Variants in RIPOR2 observed in about 807,000 individuals in gnomAD.
The protein encoded by RIPOR2 is RHO family interacting cell polarization regulator 2.
RIPOR2 carries 39 observed loss-of-function variants against 114.5 expected under a neutral mutation model. The ratio of observed to expected loss-of-function variants is 0.34; its 90% confidence interval spans 0.26 to 0.44. The LOEUF is 0.44. Among genes scored for constraint, RIPOR2 ranks in the 20% least tolerant of loss-of-function variants. The pLI is 1.00. For synonymous variants in RIPOR2, 445 were observed against 484.4 expected (o/e 0.92, Z 1.07); for missense variants, 1,007 against 1,255.1 (o/e 0.80, Z 2.99).
chr6:25,038,978 C>T (rs1379681398), intron 1 of RIPOR2, among the ~76,000 whole-genome samples: 1 of 152,228 alleles, frequency 6.6e-6, no homozygotes, highest in Non-Finnish European at 1.5e-5. Flanking sequence ...TCTGCATGGG[C>T]ATGGAAATGG....
chr6:24,949,129 C>G (rs1023713000), intron 1 of RIPOR2, among the ~76,000 whole-genome samples: 1 of 152,034 alleles, frequency 6.6e-6, no homozygotes, highest in Non-Finnish European at 1.5e-5. Context: ...ATTTGAAAAG[C>G]GCCACCCATC....
At chr6:24,850,019 T>TC in intron 10 of RIPOR2, 69 bp from the exon 11 acceptor site, 1 of 1,285,346 alleles carries the variant, frequency 7.8e-7, no homozygotes. Context: ...TAATGTGTCA[T>TC]TTTTTTTACT....
At chr6:24,947,998 C>T (rs1418818808) in intron 1 of RIPOR2, 1 of 152,060 alleles carries the variant, frequency 6.6e-6, no homozygotes, top group East Asian at 1.9e-4. Flanking sequence ...CTAATACTCA[C>T]CAAAAAATTA....
intron 8 of RIPOR2, among the ~76,000 whole-genome samples, chr6:24,855,840 C>T (rs1030440759): frequency 2.0e-5 from 3 of 152,098 alleles, no homozygotes; most frequent in African/African-American, 7.2e-5. Flanking sequence ...TTGAGACCAA[C>T]CTGGGCAACA....
chr6:24,822,227 G>T (rs543948267), intron 19 of RIPOR2, among the ~76,000 whole-genome samples: 4 of 152,130 alleles, frequency 2.6e-5, no homozygotes, highest in Non-Finnish European at 5.9e-5. Context: ...ACCAATCGAT[G>T]GTGTCTGTGC....
At chr6:24,820,869 C>CTTTTTTTTTTTTTTTTTTT (rs34770819) in intron 19 of RIPOR2, among the ~76,000 whole-genome samples, 2 of 84,064 alleles carry the variant, frequency 2.4e-5, no homozygotes, top group African/African-American at 4.7e-5. Flanking sequence ...GTTTAACACT[C>CTTTTTTTTTTTTTTTTTTT]TTTTTTTTTT....
At chr6:24,840,574 G>A in intron 13 of RIPOR2, 2 of 1,477,842 alleles carry the variant, frequency 1.4e-6, no homozygotes, top group Non-Finnish European at 8.9e-7. Context: ...CCTCCATCCA[G>A]TTAGGTGACA....
At chr6:24,873,823 G>T (rs916758855) in intron 2 of RIPOR2, 24 bp from the exon 3 acceptor site, 2 of 1,582,092 alleles carry the variant, frequency 1.3e-6, no homozygotes, top group Non-Finnish European at 1.7e-6. Flanking sequence ...AGAAGAAATT[G>T]TGAGGATTGG....
chr6:25,030,720 C>T (rs980977643), intron 1 of RIPOR2, among the ~76,000 whole-genome samples: 13 of 151,932 alleles, frequency 8.6e-5, no homozygotes, highest in African/African-American at 2.4e-4. Flanking sequence ...TTCTTTGAGA[C>T]GGAGTTTGGC....
Position 24,852,581 on chromosome 6 carries a change from T to C in RIPOR2, c.753A>G (p.Gln251=), listed in dbSNP as rs374490290. ...AGFARLCPGD[Q]YEIFMKYGRQ... The stretch of plus-strand genomic sequence containing the variant: ...AGACCAAGACAATACTTACTTCATA[T>C]TGATCTCCAGGACAGAGGCGTGCAA... Residue 251 remains glutamine (Q), a synonymous_variant, in exon 9 of 22, where the codon CAA becomes CAG. Coordinates refer to ENST00000643898, the MANE Select transcript of RIPOR2 (RefSeq NM_001286445.3). The C allele has an allele frequency of 1.2e-6, 2 of 1,610,498 alleles. No homozygotes were observed. The highest frequency in any genetic ancestry group is 2.7e-5 in the African/African-American group (2 of 74,610).
At chr6:24,965,260 C>G (rs1258577456) in intron 1 of RIPOR2, among the ~76,000 whole-genome samples, 2 of 152,104 alleles carry the variant, frequency 1.3e-5, no homozygotes, top group Non-Finnish European at 2.9e-5. Context: ...ACCACAGCTT[C>G]ATGAGTAGCT....
intron 1 of RIPOR2, among the ~76,000 whole-genome samples, chr6:24,999,492 T>G (rs1775198728): frequency 6.6e-6 from 1 of 152,014 alleles, no homozygotes; most frequent in African/African-American, 2.4e-5. Flanking sequence ...CCACATTCCC[T>G]TCTCTTGAGT....
At chr6:25,007,821 C>T (rs907875573) in intron 1 of RIPOR2, among the ~76,000 whole-genome samples, 1 of 151,990 alleles carries the variant, frequency 6.6e-6, no homozygotes, top group African/African-American at 2.4e-5. Context: ...GTAGACATTT[C>T]TACATTGATA....
intron 1 of RIPOR2, among the ~76,000 whole-genome samples, chr6:24,904,057 G>C (rs904455676): frequency 1.3e-5 from 2 of 152,268 alleles, no homozygotes; most frequent in Non-Finnish European, 2.9e-5. Flanking sequence ...CCATGTGTGA[G>C]TTGGGGTCTC....
At chr6:24,991,559 A>T (rs980848884) in intron 1 of RIPOR2, among the ~76,000 whole-genome samples, 11 of 152,200 alleles carry the variant, frequency 7.2e-5, no homozygotes, top group Non-Finnish European at 1.6e-4. Flanking sequence ...ATCTATGCAC[A>T]GTGGCTGAAC....
chr6:24,909,972 A>G (rs1400512419), intron 1 of RIPOR2, among the ~76,000 whole-genome samples: 1 of 151,962 alleles, frequency 6.6e-6, no homozygotes, highest in African/African-American at 2.4e-5. Flanking sequence ...CCACCTTAGC[A>G]CCTGATGACT....
intron 1 of RIPOR2, among the ~76,000 whole-genome samples, chr6:25,014,742 A>G (rs1012515613): frequency 6.6e-6 from 1 of 152,228 alleles, no homozygotes; most frequent in Non-Finnish European, 1.5e-5. Flanking sequence ...TCCAAAATTT[A>G]GACAGTCCAT....
In RIPOR2 at chr6:24,863,548, G is replaced by A. The variant is rs561615689; in HGVS notation, c.651+1753C>T. Among the ~76,000 whole-genome samples, 38 of 152,328 alleles carry A rather than the reference G, an allele frequency of 2.5e-4. 1 individual carries two copies. The East Asian group carries it at 5.0e-3, about 20-fold the overall frequency. On this transcript the variant is annotated intron_variant, in intron 7 of 21. Coordinates refer to ENST00000643898, the MANE Select transcript of RIPOR2 (RefSeq NM_001286445.3). ...CAGAGATCTGTAGAAATGGGGTCTC[G>A]TGAACTAGGACTGCTTCTAGGCCAG...
Position 24,828,177 on chromosome 6 carries a change from G to T in RIPOR2, c.2625C>A (p.Val875=). 6.4e-7 allele frequency: 1 copy of T among 1,550,566 alleles called. No individual in the cohort carries two copies. Among genetic ancestry groups the T allele is most frequent in the South Asian group, 1.2e-5 (1 of 83,948 alleles). ...QYYSYFTSHG[V]SDLESYLSQL... ...GGCTCAGGTAACTCTCCAGGTCACTGACGCCGTGGCTGGTGAAGTAACTGT... is the reference window on the plus strand; with the variant it reads ...GGCTCAGGTAACTCTCCAGGTCACTTACGCCGTGGCTGGTGAAGTAACTGT... The change falls in exon 18 of 22, where the codon GTC becomes GTA. Residue 875 remains valine (V), a synonymous_variant. Transcript: ENST00000643898.
Sources: gnomAD v4.1 joint callset for allele counts (sites outside exome capture counted in the v4.1 genomes callset) on GRCh38, gnomAD v4.1.1 for gene constraint, MANE v1.5 for transcripts, NCBI Gene and HGNC (gene_info 2026-07-23, HGNC 2026-07-21) for gene names.